DPYD: variants seen among roughly 807,000 people sequenced by gnomAD.
DPYD encodes dihydropyrimidine dehydrogenase, also known as dihydropyrimidine dehydrogenase [NADP(+)].
A neutral mutation model predicts 116.2 loss-of-function variants in DPYD; 109 were observed. The observed-to-expected ratio is 0.94, with a 90% confidence interval of 0.80 to 1.10. The LOEUF (loss-of-function observed/expected upper bound fraction) is 1.10, where lower values mean the gene tolerates loss of function less well. Among genes scored for constraint, DPYD ranks in the 50% least tolerant of loss-of-function variants. The pLI, the probability that DPYD is intolerant of heterozygous loss-of-function variation, is 0.00. For synonymous variants in DPYD, 440 were observed against 432.0 expected (o/e 1.02, Z -0.23); for missense variants, 1,302 against 1,254.5 (o/e 1.04, Z -0.57).
At chr1:97,438,952 T>G (rs1411788048) in intron 14 of DPYD, among the ~76,000 whole-genome samples, 4 of 152,114 alleles carry the variant, frequency 2.6e-5, no homozygotes, top group Non-Finnish European at 5.9e-5. Flanking sequence ...ATATCCTTAT[T>G]TCACTTAGGA....
intron 3 of DPYD, among the ~76,000 whole-genome samples, chr1:97,763,739 A>C (rs1665703810): frequency 6.6e-6 from 1 of 152,070 alleles, no homozygotes; most frequent in Non-Finnish European, 1.5e-5. Context: ...TGATTTATTA[A>C]TTTGATTATT....
intron 1 of DPYD, among the ~76,000 whole-genome samples, chr1:97,891,570 G>A: frequency 6.6e-6 from 1 of 151,866 alleles, no homozygotes; most frequent in East Asian, 1.9e-4. Flanking sequence ...GTGAAGCAGT[G>A]GAATGCGGAA....
chr1:97,342,015 C>T (rs1243947558), intron 16 of DPYD, among the ~76,000 whole-genome samples: 1 of 152,164 alleles, frequency 6.6e-6, no homozygotes, highest in African/African-American at 2.4e-5. Flanking sequence ...TTTAGAATCT[C>T]ATACTCTAGT....
intron 13 of DPYD, among the ~76,000 whole-genome samples, chr1:97,510,240 C>A (rs1020290645): frequency 6.6e-6 from 1 of 151,798 alleles, no homozygotes; most frequent in African/African-American, 2.4e-5. Flanking sequence ...ATAAATGGAC[C>A]CTGATTCTCC....
chr1:97,208,044 T>C (rs1290064839), intron 19 of DPYD, among the ~76,000 whole-genome samples: 2 of 152,192 alleles, frequency 1.3e-5, no homozygotes, highest in Non-Finnish European at 2.9e-5. Context: ...CCACTGCACA[T>C]GCCCAGTAAA....
chr1:97,629,940 T>C (rs971819214), intron 8 of DPYD, among the ~76,000 whole-genome samples: 1 of 152,058 alleles, frequency 6.6e-6, no homozygotes, highest in Non-Finnish European at 1.5e-5. Flanking sequence ...TTTCAAAACA[T>C]TGTATAAATA....
chr1:97,426,839 G>A (rs1674893466), intron 14 of DPYD, among the ~76,000 whole-genome samples: 2 of 152,074 alleles, frequency 1.3e-5, no homozygotes, highest in South Asian at 4.1e-4. Context: ...TAGAAAAGAG[G>A]AGAGTTAATT....
At chr1:97,388,420 C>G (rs1020279261) in intron 14 of DPYD, among the ~76,000 whole-genome samples, 13 of 151,724 alleles carry the variant, frequency 8.6e-5, no homozygotes, top group Non-Finnish European at 1.8e-4. Context: ...GATGACTTCA[C>G]AAAAGGAAGA....
chr1:97,691,487 C>A, intron 7 of DPYD: 1 of 450,826 alleles, frequency 2.2e-6, no homozygotes, highest in Non-Finnish European at 4.0e-6. Flanking sequence ...GACAATTAAT[C>A]ACATGCAGGC....
At chr1:97,569,385 A>C (rs1224592602) in intron 11 of DPYD, among the ~76,000 whole-genome samples, 1 of 149,074 alleles carries the variant, frequency 6.7e-6, no homozygotes, top group Non-Finnish European at 1.5e-5. Flanking sequence ...ATCCTATATT[A>C]GGAAATATAT....
At chr1:97,174,256 G>C (rs1157722949) in intron 20 of DPYD, among the ~76,000 whole-genome samples, 1 of 152,134 alleles carries the variant, frequency 6.6e-6, no homozygotes, top group Non-Finnish European at 1.5e-5. Context: ...GTTAACGGAG[G>C]CTGCAGGCAC....
chr1:97,173,508 C>CGCATATATAAAAT (rs1200458209), intron 20 of DPYD, among the ~76,000 whole-genome samples: 246 of 149,778 alleles, frequency 1.6e-3, no homozygotes, highest in African/African-American at 5.8e-3. Flanking sequence ...ATAAAATACA[C>CGCATATATAAAAT]ACACAAAAGG....
At chr1:97,639,502 GA>G (rs548299375) in intron 8 of DPYD, among the ~76,000 whole-genome samples, 4 of 151,030 alleles carry the variant, frequency 2.6e-5, no homozygotes, top group South Asian at 2.1e-4. Flanking sequence ...ATAAATTTTG[GA>G]AAAAAAATGT....
chr1:97,305,674 C>A (rs1667116190), intron 17 of DPYD, among the ~76,000 whole-genome samples: 1 of 151,894 alleles, frequency 6.6e-6, no homozygotes, highest in Admixed American at 6.6e-5. Flanking sequence ...AGTCAGGGTG[C>A]AATTTCCCTG....
chr1:97,607,300 C>T (rs537418434), intron 8 of DPYD, among the ~76,000 whole-genome samples: 3 of 151,974 alleles, frequency 2.0e-5, no homozygotes, highest in South Asian at 2.1e-4. Flanking sequence ...ATAGCCTATA[C>T]GTCCTTCTCT....
Position 97,349,601 on chromosome 1 carries a change from G to GT in DPYD, c.2058+23959dup, listed in dbSNP as rs534084136. 8.3e-3 allele frequency among the ~76,000 whole-genome samples: 1,260 copies of GT among 152,136 alleles called. 9 individuals are homozygous for GT. The highest frequency in any genetic ancestry group is 0.014 in the Non-Finnish European group (962 of 67,998). On this transcript the variant is annotated intron_variant, in intron 16 of 22. Transcript: ENST00000370192. ...TATGAGTGAGAAAATGCGGTGTTTG[G>GT]TTTTTTGTCCTTGTGATAGTTTGCT...
chr1:97,557,254 T>C (rs1019574230), intron 11 of DPYD, among the ~76,000 whole-genome samples: 34 of 151,926 alleles, frequency 2.2e-4, no homozygotes, highest in African/African-American at 8.0e-4. Flanking sequence ...TTCTGGATAT[T>C]AGCCCTTTGT....
rs1180771326 is a variant in DPYD, at chr1:97,515,884, T to C, written c.1582A>G (p.Ile528Val). ...TCTACACTAATGTCCACCAGATCAA[T>C]AGGAGTGTAAAAGAGGGGTAGTTCA... ...KPELPLFYTP[I>V]DLVDISVEMA... Residue 528 changes from isoleucine (I) to valine (V), a missense_variant, in exon 13 of 23, where the codon ATT (isoleucine) becomes GTT (valine). By Grantham distance (29) the Ile-to-Val change is conservative (BLOSUM62 3). Coordinates refer to ENST00000370192, the MANE Select transcript of DPYD (RefSeq NM_000110.4). The C allele has an allele frequency of 8.7e-6, 14 of 1,612,876 alleles. No homozygotes were observed. The highest frequency in any genetic ancestry group is 4.5e-5 in the East Asian group (2 of 44,834).
At chr1:97,775,529 C>T (rs545686297) in intron 3 of DPYD, among the ~76,000 whole-genome samples, 1 of 152,200 alleles carries the variant, frequency 6.6e-6, no homozygotes, top group Admixed American at 6.5e-5. Context: ...AGAAAAAACT[C>T]TTCTATGACA....
Sources: gnomAD v4.1 joint callset for allele counts (sites outside exome capture counted in the v4.1 genomes callset) on GRCh38, gnomAD v4.1.1 for gene constraint, MANE v1.5 for transcripts, NCBI Gene and HGNC (gene_info 2026-07-23, HGNC 2026-07-21) for gene names.